Variants in RXRG observed in about 807,000 individuals in gnomAD.
RXRG encodes the protein retinoic acid receptor RXR-gamma.
Under a neutral mutation model 49.2 loss-of-function variants are expected in RXRG, and 19 were observed. That is an observed-to-expected ratio of 0.39 (90% confidence interval 0.27 to 0.57). RXRG has a LOEUF of 0.57. Ranked by LOEUF, RXRG falls within the 20% of genes least tolerant of loss-of-function variation. RXRG has a pLI of 0.64. For synonymous variants in RXRG, 224 were observed against 216.6 expected (o/e 1.03, Z -0.30); for missense variants, 452 against 592.5 (o/e 0.76, Z 2.46).
intron 1 of RXRG, among the ~76,000 whole-genome samples, chr1:165,440,711 T>C (rs1334204931): frequency 1.3e-5 from 2 of 152,186 alleles, no homozygotes; most frequent in Admixed American, 1.3e-4. Flanking sequence ...TGTCTTCTAC[T>C]TTTAAAAAGA....
At position 165,435,242 on chromosome 1, in the gene RXRG, C is replaced by T. The variant is rs558177157; in HGVS notation, c.50-6276G>A. Among the ~76,000 whole-genome samples the T allele has an allele frequency of 2.0e-5, 3 of 152,314 alleles. No homozygotes were observed. The South Asian group carries it at 6.2e-4, about 32-fold the overall frequency. On this transcript the variant is annotated intron_variant, in intron 1 of 9. Transcript: ENST00000359842. The stretch of plus-strand genomic sequence containing the variant: ...ACAAGCATTTCCAATAAGGGATACT[C>T]AGCTTGGAGTGGCTAACATTTATTA...
intron 4 of RXRG, among the ~76,000 whole-genome samples, chr1:165,411,824 A>C (rs551419352): frequency 1.3e-5 from 2 of 152,282 alleles, no homozygotes; most frequent in East Asian, 3.9e-4. Context: ...CTCCATGTCT[A>C]TACATTAGGA....
intron 4 of RXRG, 140 bp downstream of exon 4, chr1:165,416,901 G>C (rs1658142668): frequency 1.3e-6 from 1 of 765,864 alleles, no homozygotes; most frequent in Middle Eastern, 4.0e-4. Context: ...CTTCTCTTTA[G>C]AGCCCTGTGG....
intron 3 of RXRG, among the ~76,000 whole-genome samples, chr1:165,418,383 CAAAT>C (rs1658202444): frequency 6.6e-6 from 1 of 152,132 alleles, no homozygotes; most frequent in East Asian, 1.9e-4. Flanking sequence ...TATAAGGAAA[CAAAT>C]CATTCAAAAC....
chr1:165,430,213 G>A (rs1410819288), intron 1 of RXRG, among the ~76,000 whole-genome samples: 1 of 152,190 alleles, frequency 6.6e-6, no homozygotes, highest in Non-Finnish European at 1.5e-5. Flanking sequence ...ACCTTGCCAA[G>A]CAGATGGGAT....
chr1:165,443,594 C>T (rs1659070371), intron 1 of RXRG, among the ~76,000 whole-genome samples: 2 of 152,158 alleles, frequency 1.3e-5, no homozygotes, highest in Non-Finnish European at 2.9e-5. Flanking sequence ...GTGTAACAAG[C>T]CTGCCCCAGT....
At chr1:165,408,351 A>G (rs553524903) in intron 7 of RXRG, 33 bp from the exon 8 acceptor site, 1 of 1,477,526 alleles carries the variant, frequency 6.8e-7, no homozygotes, top group Admixed American at 1.7e-5. Context: ...TAATGAGAAA[A>G]CCGTAAGTAA....
intron 4 of RXRG, 142 bp downstream of exon 4, chr1:165,416,899 T>G: frequency 1.3e-6 from 1 of 758,900 alleles, no homozygotes; most frequent in Non-Finnish European, 2.1e-6. Context: ...GACTTCTCTT[T>G]AGAGCCCTGT....
At chr1:165,408,008 T>C (rs1293982607) in intron 8 of RXRG, among the ~76,000 whole-genome samples, 1 of 152,162 alleles carries the variant, frequency 6.6e-6, no homozygotes, top group Non-Finnish European at 1.5e-5. Flanking sequence ...TGGGCCACCG[T>C]CATCTTTCAT....
intron 1 of RXRG, among the ~76,000 whole-genome samples, chr1:165,442,190 T>A (rs942580581): frequency 6.6e-6 from 1 of 152,194 alleles, no homozygotes; most frequent in Non-Finnish European, 1.5e-5. Flanking sequence ...AAAGGTGACG[T>A]CCACTCTAAT....
chr1:165,429,577 C>G (rs531607737), intron 1 of RXRG, among the ~76,000 whole-genome samples: 101 of 152,264 alleles, frequency 6.6e-4, no homozygotes, highest in African/African-American at 2.2e-3. Flanking sequence ...TTTCCTATAT[C>G]TATTGAAGCT....
chr1:165,426,275 A>T (rs903408840), intron 2 of RXRG, among the ~76,000 whole-genome samples: 12 of 152,362 alleles, frequency 7.9e-5, no homozygotes, highest in African/African-American at 2.4e-4. Context: ...TACTGGCCAA[A>T]TTATACCCAG....
intron 1 of RXRG, among the ~76,000 whole-genome samples, chr1:165,443,091 C>T (rs1163274046): frequency 6.6e-6 from 1 of 152,188 alleles, no homozygotes; most frequent in East Asian, 1.9e-4. Flanking sequence ...GATGCTGTTT[C>T]AGGTCCTTAG....
intron 7 of RXRG, 37 bp downstream of exon 7, chr1:165,409,521 A>G (rs1265741474): frequency 5.0e-6 from 7 of 1,405,012 alleles, no homozygotes; most frequent in Non-Finnish European, 5.6e-6. Flanking sequence ...ACACACACAC[A>G]TAATACACAC....
intron 1 of RXRG, among the ~76,000 whole-genome samples, chr1:165,442,499 C>T (rs933363631): frequency 6.6e-6 from 1 of 152,222 alleles, no homozygotes; most frequent in Admixed American, 6.5e-5. Flanking sequence ...CATAGCTGAA[C>T]CATTGTGTTT....
chr1:165,408,372 G>A, intron 7 of RXRG, 54 bp from the exon 8 acceptor site: 1 of 1,365,880 alleles, frequency 7.3e-7, no homozygotes, highest in Non-Finnish European at 1.0e-6. Context: ...CAGGCCAAGA[G>A]CCAATAAAAT....
intron 1 of RXRG, among the ~76,000 whole-genome samples, chr1:165,438,542 A>G (rs891657430): frequency 4.1e-4 from 62 of 152,346 alleles, no homozygotes; most frequent in African/African-American, 1.3e-3. Context: ...ATTTTTTGAC[A>G]GATAACCCAA....
intron 2 of RXRG, among the ~76,000 whole-genome samples, chr1:165,423,646 G>T (rs969941153): frequency 2.1e-5 from 3 of 140,656 alleles, no homozygotes; most frequent in African/African-American, 8.0e-5. Context: ...TCCTAATCAG[G>T]TCACTTCACT....
At chr1:165,439,850 G>T (rs1658926262) in intron 1 of RXRG, among the ~76,000 whole-genome samples, 1 of 152,208 alleles carries the variant, frequency 6.6e-6, no homozygotes, top group Non-Finnish European at 1.5e-5. Flanking sequence ...CAGCCTAAAT[G>T]TTTATAGGAA....
Sources: gnomAD v4.1 joint callset for allele counts (sites outside exome capture counted in the v4.1 genomes callset) on GRCh38, gnomAD v4.1.1 for gene constraint, MANE v1.5 for transcripts, NCBI Gene and HGNC (gene_info 2026-07-23, HGNC 2026-07-21) for gene names.